Variants in CCN4 observed in about 807,000 individuals in gnomAD.
CCN4 encodes the protein CCN family member 4.
A neutral mutation model predicts 36.7 loss-of-function variants in CCN4; 30 were observed. The ratio of observed to expected loss-of-function variants is 0.82; its 90% CI spans 0.61 to 1.11. The LOEUF is 1.11. CCN4 is among the 50% of genes least tolerant of loss of function. The pLI is 0.00. For synonymous variants in CCN4, 191 were observed against 195.4 expected (o/e 0.98, Z 0.19); for missense variants, 505 against 504.9 (o/e 1.00, Z 0.00).
rs768748892 is a variant in CCN4 at position 133,213,088 on chromosome 8, C to T, written c.294C>T (p.Gly98=). The change falls in exon 2 of 5, where the codon GGC becomes GGT. Residue 98 remains glycine (G), a synonymous_variant. Transcript: ENST00000250160. ...TEAAICDPHR[G]LYCDYSGDRP... is the part of the protein sequence containing the mutation. ...CTGCCATCTGTGACCCCCACCGGGG[C>T]CTCTACTGTGACTACAGCGGGGACC... The T allele has an allele frequency of 7.4e-6, 12 of 1,613,970 alleles. 1 individual carries two copies. In the East Asian group the frequency reaches 2.2e-4, roughly 30 times the overall value.
At chr8:133,199,338 G>A (rs1019618416) in intron 1 of CCN4, among the ~76,000 whole-genome samples, 3 of 152,132 alleles carry the variant, frequency 2.0e-5, no homozygotes, top group Non-Finnish European at 4.4e-5. Context: ...AAGAGGAGGC[G>A]GGCAGCACAC....
intron 1 of CCN4, among the ~76,000 whole-genome samples, chr8:133,205,446 C>T (rs889483207): frequency 7.2e-5 from 11 of 152,110 alleles, no homozygotes; most frequent in African/African-American, 2.7e-4. Context: ...CTCCTTTTTG[C>T]CTTCTTGGCT....
At chr8:133,217,226 C>A (rs1854349360) in intron 2 of CCN4, among the ~76,000 whole-genome samples, 1 of 152,222 alleles carries the variant, frequency 6.6e-6, no homozygotes, top group African/African-American at 2.4e-5. Flanking sequence ...CCATCCATCC[C>A]TCCATTGATT....
At chr8:133,218,177 T>A (rs1417164848) in intron 2 of CCN4, among the ~76,000 whole-genome samples, 1 of 152,160 alleles carries the variant, frequency 6.6e-6, no homozygotes, top group Non-Finnish European at 1.5e-5. Flanking sequence ...ACGAATCATT[T>A]AACCTCTCTG....
At chr8:133,220,866 G>A in intron 3 of CCN4, 25 bp downstream of exon 3, 1 of 1,580,918 alleles carries the variant, frequency 6.3e-7, no homozygotes, top group Non-Finnish European at 8.6e-7. Flanking sequence ...GAGTGGGCTG[G>A]GGGTGGGACC....
intron 1 of CCN4, among the ~76,000 whole-genome samples, chr8:133,196,221 A>G (rs150029989): frequency 1.3e-5 from 2 of 152,176 alleles, no homozygotes; most frequent in South Asian, 2.1e-4. Flanking sequence ...TGTTGCTGTA[A>G]TCTAGACCAG....
At chr8:133,227,007 C>A (rs1156783608) in intron 4 of CCN4, among the ~76,000 whole-genome samples, 4 of 152,168 alleles carry the variant, frequency 2.6e-5, no homozygotes, top group Non-Finnish European at 5.9e-5. Flanking sequence ...GCGGTTAGGG[C>A]AAAGCGTGTC....
At position 133,223,575 on chromosome 8, in the gene CCN4, C is replaced by T. The variant is rs114683537; in HGVS notation, c.611-1815C>T. Among the ~76,000 whole-genome samples the T allele has an allele frequency of 3.9e-3, 588 of 151,666 alleles. 5 individuals carry two copies. The highest frequency in any genetic ancestry group is 0.013 in the African/African-American group (545 of 41,346). ...CTTCTTTTCTGTGTTTATCTTTTTG[C>T]CTCTCTTTCCCTCCCTTCATTCTTT... On this transcript the variant is annotated intron_variant, in intron 3 of 4. Transcript: ENST00000250160.
chr8:133,225,315 C>T (rs569412928), intron 3 of CCN4, 75 bp from the exon 4 acceptor site: 842 of 1,464,278 alleles, frequency 5.8e-4, no homozygotes, highest in Non-Finnish European at 7.0e-4. Context: ...GACCGCAGAC[C>T]TTAGTGTGGT....
In CCN4 at chr8:133,227,444, G is replaced by C. The variant is rs1854779781; in HGVS notation, c.838G>C (p.Glu280Gln). 1 of 1,613,956 alleles carries C rather than the reference G, an allele frequency of 6.2e-7. No homozygotes were observed. The highest frequency in any genetic ancestry group is 8.5e-7 in the Non-Finnish European group (1 of 1,179,994). ...GAAGTGTCTGGCTGTGTACCAGCCA[G>C]AGGCATCCATGAACTTCACACTTGC... ...GKKCLAVYQP[E>Q]ASMNFTLAGC... Residue 280 changes from glutamate (E) to glutamine (Q), a missense_variant, in exon 5 of 5, where the codon GAG becomes CAG. Glu to Gln is a conservative substitution (Grantham distance 29). Transcript: ENST00000250160.
chr8:133,202,887 C>T (rs1456574826), intron 1 of CCN4, among the ~76,000 whole-genome samples: 1 of 152,222 alleles, frequency 6.6e-6, no homozygotes, highest in Non-Finnish European at 1.5e-5. Flanking sequence ...CTCAGAGGCA[C>T]CCGATGCGCT....
chr8:133,220,056 TCC>T (rs1854460729), intron 2 of CCN4, among the ~76,000 whole-genome samples: 1 of 151,996 alleles, frequency 6.6e-6, no homozygotes, highest in Non-Finnish European at 1.5e-5. Context: ...CTGCCAACAT[TCC>T]ATATGACCTT....
intron 4 of CCN4, among the ~76,000 whole-genome samples, chr8:133,226,992 G>A (rs551039715): frequency 1.6e-4 from 25 of 152,334 alleles, no homozygotes; most frequent in Admixed American, 5.2e-4. Flanking sequence ...GCAAAGGCAG[G>A]AGGGGCGGTT....
intron 2 of CCN4, among the ~76,000 whole-genome samples, chr8:133,217,853 GACTCCGGGC>G (rs1854376142): frequency 6.6e-6 from 1 of 151,776 alleles, no homozygotes; most frequent in African/African-American, 2.4e-5. Context: ...CTGTGCTGGG[GACTCCGGGC>G]ATCTAGCACT....
At chr8:133,220,983 CT>C in intron 3 of CCN4, 142 bp downstream of exon 3, 1 of 1,145,096 alleles carries the variant, frequency 8.7e-7, no homozygotes. Context: ...CATACCTCCC[CT>C]GAGACCCTAT....
intron 3 of CCN4, among the ~76,000 whole-genome samples, chr8:133,225,048 T>C (rs969252145): frequency 2.6e-5 from 4 of 152,140 alleles, no homozygotes; most frequent in Admixed American, 6.5e-5. Flanking sequence ...GGTGTTATTG[T>C]TCTAATAGGG....
In CCN4 at chr8:133,191,135, A is replaced by C. The variant is rs1320481241; in HGVS notation, c.-10A>C. The C allele has an allele frequency of 6.2e-7, 1 of 1,605,874 alleles. No homozygotes were observed. Among genetic ancestry groups the C allele is most frequent in the Non-Finnish European group, 8.5e-7 (1 of 1,179,814 alleles). ...TGCTCGGTCGATGCCTGTGCCACTG[A>C]CGTCCAGGCATGAGGTGGTTCCTGC... On this transcript the variant is annotated 5_prime_UTR_variant, in exon 1 of 5. It removes the in-frame stop codon of an upstream open reading frame in the 5' UTR. Coordinates refer to ENST00000250160, the MANE Select transcript of CCN4 (RefSeq NM_003882.4).
chr8:133,212,426 A>T (rs1854084096), intron 1 of CCN4, among the ~76,000 whole-genome samples: 1 of 152,090 alleles, frequency 6.6e-6, no homozygotes, highest in Non-Finnish European at 1.5e-5. Context: ...CGGTGAGTGA[A>T]GGAACTGGCC....
At chr8:133,220,532 G>A in intron 2 of CCN4, 49 bp from the exon 3 acceptor site, 1 of 1,592,250 alleles carries the variant, frequency 6.3e-7, no homozygotes, top group Non-Finnish European at 8.6e-7. Context: ...AGCTGGGCCA[G>A]CCAGGGGCAC....
Sources: gnomAD v4.1 joint callset for allele counts (sites outside exome capture counted in the v4.1 genomes callset) on GRCh38, gnomAD v4.1.1 for gene constraint, MANE v1.5 for transcripts, NCBI Gene and HGNC (gene_info 2026-07-23, HGNC 2026-07-21) for gene names.